Variants in PSMA1 observed in about 807,000 individuals in gnomAD.
PSMA1 encodes proteasome subunit alpha type-1.
A neutral mutation model predicts 38.4 loss-of-function variants in PSMA1; 3 were observed. The observed-to-expected ratio is 0.08, with a 90% CI of 0.04 to 0.20. The LOEUF (loss-of-function observed/expected upper bound fraction) is 0.20, where lower values mean the gene tolerates loss of function less well. Among genes scored for constraint, PSMA1 ranks in the 10% least tolerant of loss-of-function variants. The probability of loss-of-function intolerance (pLI) is 1.00; values close to 1 mark genes in which losing one functional copy is unlikely to be tolerated. For missense variants in PSMA1, 227 were observed against 325.3 expected, an observed-to-expected ratio of 0.70 and a Z score of 2.32; for synonymous variants, 101 against 107.1, an observed-to-expected ratio of 0.94 and a Z score of 0.35.
intron 2 of PSMA1, among the ~76,000 whole-genome samples, chr11:14,577,293 G>A (rs1404357331): frequency 6.6e-6 from 1 of 152,166 alleles, no homozygotes; most frequent in East Asian, 1.9e-4. Context: ...TGGTACAGAT[G>A]AGAAAACAAT....
chr11:14,613,010 T>C (rs994021069), intron 1 of PSMA1, among the ~76,000 whole-genome samples: 3 of 152,034 alleles, frequency 2.0e-5, no homozygotes, highest in African/African-American at 7.2e-5. Context: ...AGGAACATGG[T>C]TATGCAGTGT....
chr11:14,603,242 A>C (rs1001353074), intron 2 of PSMA1, among the ~76,000 whole-genome samples: 2 of 152,220 alleles, frequency 1.3e-5, no homozygotes, highest in East Asian at 3.8e-4. Context: ...GTAGGTAAAG[A>C]GAGATGAAGC....
chr11:14,631,205 T>G (rs1386396666), intron 1 of PSMA1, among the ~76,000 whole-genome samples: 3 of 152,194 alleles, frequency 2.0e-5, no homozygotes, highest in Non-Finnish European at 4.4e-5. Flanking sequence ...TGCCTTCTGC[T>G]AGCTTTTGAA....
At chr11:14,610,955 G>T in intron 2 of PSMA1, 1 of 1,612,620 alleles carries the variant, frequency 6.2e-7, no homozygotes, top group African/African-American at 1.3e-5. Context: ...AAAAAGCAAA[G>T]ATATTCTCAC....
chr11:14,630,065 C>A (rs1462925963), intron 1 of PSMA1, among the ~76,000 whole-genome samples: 1 of 152,066 alleles, frequency 6.6e-6, no homozygotes, highest in East Asian at 1.9e-4. Flanking sequence ...AGATTTTGGG[C>A]TGAGACAATG....
intron 2 of PSMA1, among the ~76,000 whole-genome samples, chr11:14,542,891 T>C (rs1400191767): frequency 6.6e-6 from 1 of 152,236 alleles, no homozygotes; most frequent in Non-Finnish European, 1.5e-5. Context: ...AGTCTAGCTC[T>C]GTCTCCCAGG....
chr11:14,545,779 G>A (rs1353685905), intron 2 of PSMA1, among the ~76,000 whole-genome samples: 1 of 152,170 alleles, frequency 6.6e-6, no homozygotes, highest in Non-Finnish European at 1.5e-5. Context: ...AAAAAAGTCT[G>A]TGATTTCCAC....
intron 2 of PSMA1, among the ~76,000 whole-genome samples, chr11:14,592,393 TA>T (rs1328733773): frequency 2.4e-4 from 34 of 144,410 alleles, no homozygotes; most frequent in South Asian, 6.5e-4. Context: ...TATATATATA[TA>T]TTTTTTTTTT....
chr11:14,604,755 G>A (rs1415891968), intron 2 of PSMA1, among the ~76,000 whole-genome samples: 10 of 152,000 alleles, frequency 6.6e-5, no homozygotes, highest in East Asian at 3.9e-4. Context: ...TACTGCTGCC[G>A]TCTTTATGTC....
intron 2 of PSMA1, among the ~76,000 whole-genome samples, chr11:14,529,334 C>T (rs1417165698): frequency 1.3e-5 from 2 of 152,172 alleles, no homozygotes; most frequent in Admixed American, 1.3e-4. Flanking sequence ...ATTTTCACTC[C>T]ACATGTTAAA....
In PSMA1 at chr11:14,517,976, C is replaced by T; in HGVS notation, c.54G>A (p.Arg18=). Residue 18 remains arginine, a synonymous_variant, in exon 3 of 10, where the codon AGG becomes AGA. Transcript: ENST00000396394. ...CCATTGCATATTCAATTTGATGAAT[C>T]CTGCCCTAAAGAAAAAAAAAACAAA... ...NDVTVWSPQG[R]IHQIEYAMEA... 6.3e-7 allele frequency: 1 copy of T among 1,585,458 alleles called. No homozygotes were observed. Among genetic ancestry groups the T allele is most frequent in the Non-Finnish European group, 8.6e-7 (1 of 1,169,528 alleles).
chr11:14,617,215 G>A (rs968852337), intron 1 of PSMA1, among the ~76,000 whole-genome samples: 10 of 152,160 alleles, frequency 6.6e-5, no homozygotes, highest in African/African-American at 2.4e-4. Flanking sequence ...GGTGGACAAA[G>A]TTTAGGGAAT....
intron 2 of PSMA1, among the ~76,000 whole-genome samples, chr11:14,568,905 G>A (rs1852104534): frequency 6.6e-6 from 1 of 152,200 alleles, no homozygotes; most frequent in Admixed American, 6.5e-5. Context: ...AGCTGAAGCA[G>A]CTGAGACACA....
Position 14,598,995 on chromosome 11 carries a change from G to T in PSMA1, c.21+11971C>A, listed in dbSNP as rs189336264. ...AGGATCTTATTTCTCCTTCACTTAT[G>T]AAGCTTAGTTTGGCTGGATATGAAA... On this transcript the variant is annotated intron_variant, in intron 2 of 10. Coordinates refer to the PSMA1 transcript ENST00000418988. 2.3e-3 allele frequency among the ~76,000 whole-genome samples: 356 copies of T among 152,148 alleles called. 2 individuals carry two copies. The highest frequency in any genetic ancestry group is 8.3e-3 in the African/African-American group (344 of 41,498).
At chr11:14,579,768 A>G (rs1259093647) in intron 2 of PSMA1, among the ~76,000 whole-genome samples, 1 of 152,136 alleles carries the variant, frequency 6.6e-6, no homozygotes, top group Non-Finnish European at 1.5e-5. Flanking sequence ...GCCTATTAGA[A>G]TTTCAGAGCA....
At chr11:14,526,458 G>A (rs1036497651) in intron 2 of PSMA1, among the ~76,000 whole-genome samples, 66 of 152,254 alleles carry the variant, frequency 4.3e-4, no homozygotes, top group African/African-American at 1.5e-3. Flanking sequence ...ACTGTTTTAG[G>A]CTGGCCATCA....
chr11:14,519,234 G>T, intron 1 of PSMA1, 193 bp from the exon 2 acceptor site: 1 of 647,958 alleles, frequency 1.5e-6, no homozygotes, highest in Non-Finnish European at 2.9e-6. Flanking sequence ...GGGAGAGGGA[G>T]AAGCAGATCT....
chr11:14,527,822 A>C (rs1851603443), intron 2 of PSMA1, among the ~76,000 whole-genome samples: 1 of 152,106 alleles, frequency 6.6e-6, no homozygotes, highest in African/African-American at 2.4e-5. Context: ...GTTTTACCTC[A>C]AACTGCCACC....
chr11:14,528,171 T>G (rs1851606883), intron 2 of PSMA1, among the ~76,000 whole-genome samples: 1 of 151,816 alleles, frequency 6.6e-6, no homozygotes, highest in Non-Finnish European at 1.5e-5. Flanking sequence ...TAAATCAATC[T>G]GGCCTGGTAT....
Sources: gnomAD v4.1 joint callset for allele counts (sites outside exome capture counted in the v4.1 genomes callset) on GRCh38, gnomAD v4.1.1 for gene constraint, MANE v1.5 for transcripts, NCBI Gene and HGNC (gene_info 2026-07-23, HGNC 2026-07-21) for gene names.